ZAN: variants seen among roughly 807,000 people sequenced by gnomAD.
The protein encoded by ZAN is zonadhesin (gene/pseudogene).
ZAN carries 260 observed loss-of-function variants against 286.2 expected under a neutral mutation model. The ratio of observed to expected loss-of-function variants is 0.91; its 90% CI spans 0.82 to 1.01. The LOEUF (loss-of-function observed/expected upper bound fraction) is 1.01. ZAN is among the 50% of genes least tolerant of loss of function. The pLI is 0.00. For synonymous variants in ZAN, 1,368 were observed against 1,417.5 expected, an observed-to-expected ratio of 0.97 and a Z score of 0.79; for missense variants, 3,410 against 3,639.2, an observed-to-expected ratio of 0.94 and a Z score of 1.62.
rs774843913 is a variant in ZAN, at chr7:100,738,448, T to G, written c.614-13T>G. 6.9e-7 allele frequency: 1 copy of G among 1,458,524 alleles called. No homozygotes were observed. Among genetic ancestry groups the G allele is most frequent in the South Asian group, 1.2e-5 (1 of 82,030 alleles). The allele number at this position is 1,458,524 out of a possible 1,614,324, so 90.3% of individuals were successfully genotyped here. A position where few individuals can be genotyped will look rare whatever the true frequency, so the allele number is the denominator to read the frequency against. On this transcript the variant is annotated splice_polypyrimidine_tract_variant and intron_variant, in intron 6 of 47. Transcript: ENST00000613979. ...AGAAAACATTATATCTTCCCTTCTT[T>G]CTTTCCTCTCAGTCTGTATGATGCA...
chr7:100,746,507 C>A (rs1808228180), intron 7 of ZAN, 31 bp from the exon 8 acceptor site: 1 of 1,610,530 alleles, frequency 6.2e-7, no homozygotes, highest in Non-Finnish European at 8.5e-7. Flanking sequence ...CAATTCCATC[C>A]ACCCCAGTTC....
In ZAN at chr7:100,765,383, CCT is replaced by C; in HGVS notation, c.4300_4301del (p.Leu1434ValfsTer7). On this transcript the variant is annotated frameshift_variant, in exon 23 of 48. Coordinates refer to ENST00000613979, the MANE Select transcript of ZAN (RefSeq NM_003386.3). LOFTEE classifies it high-confidence loss of function. ...MACPPNSKYS[L>X]CAKPCPDTCH... ...CCTGCCCGCCCAACAGCAAGTACTC[CCT>C]GTGTGCGAAGCCATGCCCTGACACC... The C allele has an allele frequency of 6.2e-7, 1 of 1,614,002 alleles. No individual in the cohort carries two copies. The highest frequency in any genetic ancestry group is 8.5e-7 in the Non-Finnish European group (1 of 1,179,890).
Position 100,755,400 on chromosome 7 carries a change from AC to A in ZAN, c.3300del (p.Tyr1101ThrfsTer96). On this transcript the variant is annotated frameshift_variant, in exon 15 of 48. Transcript: ENST00000613979. LOFTEE classifies it high-confidence loss of function. ...ASSCNCFYNN[D>X]YYEPGAEWFS... ...TCCTGCAATTGCTTCTACAACAACG[AC>A]TACTATGAGGTAAGCCCCCCGGGAT... is the stretch of plus-strand genomic sequence containing the variant. 1 of 1,613,408 alleles carries A rather than the reference AC, an allele frequency of 6.2e-7. No homozygotes were observed. The highest frequency in any genetic ancestry group is 8.5e-7 in the Non-Finnish European group (1 of 1,179,736).
intron 36 of ZAN, 64 bp downstream of exon 36, chr7:100,784,898 C>T: frequency 6.9e-7 from 1 of 1,456,888 alleles, no homozygotes; most frequent in Non-Finnish European, 9.1e-7. Context: ...TTCTCCTTTT[C>T]TCTGCCTCTC....
rs1020702256 is a variant in ZAN at position 100,788,130 on chromosome 7, G to A, written c.7221G>A (p.Glu2407=). Residue 2407 remains glutamate, a synonymous_variant, in exon 38 of 48, where the codon GAG becomes GAA. Coordinates refer to ENST00000613979, the MANE Select transcript of ZAN (RefSeq NM_003386.3). The part of the protein sequence containing the change: ...GYKVQLQAGL[E]LVVNNQKMAV... ...AAGTGCAGCTCCAAGCTGGTCTGGAGCTTGTGGTAAGAGCTGGGCCAGGGC... is the reference window on the plus strand; with the variant it reads ...AAGTGCAGCTCCAAGCTGGTCTGGAACTTGTGGTAAGAGCTGGGCCAGGGC... 1 of 1,494,334 alleles carries A rather than the reference G, an allele frequency of 6.7e-7. No homozygotes were observed. Among genetic ancestry groups the A allele is most frequent in the Non-Finnish European group, 9.0e-7 (1 of 1,107,548 alleles). The allele number at this position is 1,494,334 out of a possible 1,614,324, so 92.6% of individuals were successfully genotyped here. A position where few individuals can be genotyped will look rare whatever the true frequency, so the allele number is the denominator to read the frequency against.
At chr7:100,736,657 A>G in intron 4 of ZAN, 28 bp downstream of exon 4, 1 of 1,518,136 alleles carries the variant, frequency 6.6e-7, no homozygotes. Context: ...CCAGGGGACC[A>G]TGAGCAGGGA....
intron 6 of ZAN, among the ~76,000 whole-genome samples, chr7:100,738,042 T>C (rs111977689): frequency 0.18 from 24,574 of 139,674 alleles, 5,687 homozygotes; most frequent in African/African-American, 0.32. Context: ...CTGCAACTTC[T>C]GCCTCTTGGG....
At chr7:100,775,130 A>G (rs1419614390) in intron 31 of ZAN, among the ~76,000 whole-genome samples, 198 bp from the exon 32 acceptor site, 1 of 151,872 alleles carries the variant, frequency 6.6e-6, no homozygotes, top group South Asian at 2.1e-4. Flanking sequence ...GGTTTTTACC[A>G]TGTTGGTCAG....
rs561885087 is a variant in ZAN at position 100,778,943 on chromosome 7, G to A, written c.6318-503G>A. On this transcript the variant is annotated intron_variant, in intron 34 of 47. Transcript: ENST00000613979. ...AGCTACTCAAAAGGCTAAGGCAGGA[G>A]AATCGCTTTAACCTGAGACGTAGAG... Among the ~76,000 whole-genome samples, 5 of 151,648 alleles carry A rather than the reference G, an allele frequency of 3.3e-5. No homozygotes were observed. The East Asian group carries it at 5.9e-4, about 18-fold the overall frequency.
intron 35 of ZAN, among the ~76,000 whole-genome samples, chr7:100,784,346 T>C (rs113629215): frequency 6.6e-6 from 1 of 152,008 alleles, no homozygotes; most frequent in Non-Finnish European, 1.5e-5. Flanking sequence ...GCCAGGATGG[T>C]CTCGATCTCC....
chr7:100,760,632 C>T (rs1488121523), intron 19 of ZAN, 96 bp downstream of exon 19: 74 of 1,502,648 alleles, frequency 4.9e-5, no homozygotes, highest in Non-Finnish European at 6.5e-5. Flanking sequence ...ACTCCCCTTC[C>T]ATCCCTGGCA....
intron 27 of ZAN, 139 bp downstream of exon 27, chr7:100,768,860 C>T (rs907181407): frequency 1.7e-4 from 111 of 665,934 alleles, no homozygotes; most frequent in Non-Finnish European, 2.6e-4. Flanking sequence ...GGCAATCTCT[C>T]CTGTTTAGAC....
intron 27 of ZAN, among the ~76,000 whole-genome samples, 153 bp downstream of exon 27, chr7:100,768,874 C>G (rs979628043): frequency 3.3e-5 from 5 of 152,148 alleles, no homozygotes; most frequent in Non-Finnish European, 7.3e-5. Context: ...TTTAGACTCT[C>G]CAAGATTGGA....
intron 34 of ZAN, 74 bp downstream of exon 34, chr7:100,776,638 T>G: frequency 8.3e-7 from 1 of 1,200,152 alleles, no homozygotes; most frequent in South Asian, 2.0e-5. Flanking sequence ...TGCCTTCCCT[T>G]CCCTTCCCTC....
chr7:100,779,412 G>A (rs780652468), intron 34 of ZAN, 34 bp from the exon 35 acceptor site: 9 of 1,567,526 alleles, frequency 5.7e-6, no homozygotes, highest in South Asian at 2.3e-5. Context: ...GTAGGGGGAC[G>A]GCTGTCCCTA....
intron 39 of ZAN, among the ~76,000 whole-genome samples, chr7:100,790,065 C>T (rs577667657): frequency 2.0e-5 from 3 of 151,606 alleles, no homozygotes; most frequent in Non-Finnish European, 4.4e-5. Flanking sequence ...TCGAGACCAG[C>T]CTGGGCAACA....
At chr7:100,769,184 C>T (rs1416567285) in intron 27 of ZAN, among the ~76,000 whole-genome samples, 2 of 151,828 alleles carry the variant, frequency 1.3e-5, no homozygotes, top group African/African-American at 2.4e-5. Flanking sequence ...ACTTCCGCCT[C>T]CCAGGTTCAA....
chr7:100,785,659 CTT>C (rs530251109), intron 36 of ZAN, among the ~76,000 whole-genome samples: 15 of 143,236 alleles, frequency 1.0e-4, no homozygotes, highest in African/African-American at 2.8e-4. Flanking sequence ...CCTCTTCACT[CTT>C]TTTTTTTTTT....
intron 9 of ZAN, 75 bp downstream of exon 9, chr7:100,747,716 T>A (rs1302734446): frequency 2.1e-6 from 3 of 1,404,202 alleles, no homozygotes; most frequent in Non-Finnish European, 2.0e-6. Flanking sequence ...AGGGGCCTGG[T>A]GCTGTGGCTC....
Sources: allele counts gnomAD v4.1 joint callset (sites outside exome capture counted in the v4.1 genomes callset), GRCh38; gene constraint gnomAD v4.1.1; transcripts MANE v1.5; gene names NCBI Gene and HGNC (gene_info 2026-07-23, HGNC 2026-07-21).